Variants in ALKAL1 observed in about 807,000 individuals in gnomAD.
The protein encoded by ALKAL1 is ALK and LTK ligand 1.
ALKAL1 carries 23 observed loss-of-function variants against 13.5 expected under a neutral mutation model. That is an observed-to-expected ratio of 1.70 (90% CI 1.23 to 2.41). The LOEUF (loss-of-function observed/expected upper bound fraction) is 2.41, where lower values mean the gene tolerates loss of function less well. Among genes scored for constraint, ALKAL1 ranks in the 30% most tolerant of loss-of-function variants. ALKAL1 has a pLI of 0.00. For missense variants in ALKAL1, 181 were observed against 178.4 expected, an observed-to-expected ratio of 1.01 and a Z score of -0.08; for synonymous variants, 85 against 77.7, an observed-to-expected ratio of 1.09 and a Z score of -0.49.
chr8:52,547,719 G>A (rs978509395), intron 1 of ALKAL1, among the ~76,000 whole-genome samples: 12 of 152,172 alleles, frequency 7.9e-5, no homozygotes, highest in Admixed American at 1.3e-4. Flanking sequence ...CAGTCACAGC[G>A]GCTCACGCCT....
At position 52,565,337 on chromosome 8, in the gene ALKAL1, G is replaced by T; in HGVS notation, c.-81C>A. 8.9e-7 allele frequency: 1 copy of T among 1,127,996 alleles called. No homozygotes were observed. The highest frequency in any genetic ancestry group is 1.1e-6 in the Non-Finnish European group (1 of 876,822). The allele number at this position is 1,127,996 out of a possible 1,614,324, so 69.9% of individuals were successfully genotyped here. A position where few individuals can be genotyped will look rare whatever the true frequency, so the allele number is the denominator to read the frequency against. ...CGGAGGGTGCGCGGCCCAAGAGAAGGCCAGCGGGACCACAGCGCGGCTACG... is the reference window on the plus strand; with the variant it reads ...CGGAGGGTGCGCGGCCCAAGAGAAGTCCAGCGGGACCACAGCGCGGCTACG... On this transcript the variant is annotated 5_prime_UTR_variant, in exon 1 of 5. Coordinates refer to ENST00000358543, the MANE Select transcript of ALKAL1 (RefSeq NM_207413.4).
At position 52,539,840 on chromosome 8, in the gene ALKAL1, T is replaced by C; in HGVS notation, c.316A>G (p.Thr106Ala). ...RLYYNTRECS[T>A]PAYYKRCARL... Reference sequence around the variant, plus strand: ...CACCCAAGTTACTTACAAGCTGGCGTTGAGCACTCCCTGGTATTGTAATAG... The same window carrying C: ...CACCCAAGTTACTTACAAGCTGGCGCTGAGCACTCCCTGGTATTGTAATAG... Residue 106 changes from threonine to alanine, a missense_variant, in exon 3 of 5, where the codon ACG becomes GCG. Thr to Ala is a moderately conservative substitution (Grantham distance 58, BLOSUM62 0). Transcript: ENST00000358543. 1.9e-6 allele frequency: 3 copies of C among 1,609,720 alleles called. No individual in the cohort carries two copies. The highest frequency in any genetic ancestry group is 2.5e-6 in the Non-Finnish European group (3 of 1,178,132).
chr8:52,563,401 A>T (rs375798906), intron 1 of ALKAL1, among the ~76,000 whole-genome samples: 1 of 152,210 alleles, frequency 6.6e-6, no homozygotes, highest in Non-Finnish European at 1.5e-5. Context: ...ACTGCACTCC[A>T]GCCTGGGAGA....
At chr8:52,541,922 C>T (rs1441199293) in intron 2 of ALKAL1, among the ~76,000 whole-genome samples, 4 of 152,052 alleles carry the variant, frequency 2.6e-5, no homozygotes, top group Non-Finnish European at 5.9e-5. Context: ...TTATCCACAA[C>T]ATGACTCCAA....
At chr8:52,538,575 A>G in intron 3 of ALKAL1, 68 bp from the exon 4 acceptor site, 1 of 963,806 alleles carries the variant, frequency 1.0e-6, no homozygotes, top group Non-Finnish European at 1.6e-6. Context: ...TCCTGTTATT[A>G]TTGTCACTAA....
chr8:52,536,959 G>A (rs1442232255), intron 4 of ALKAL1, among the ~76,000 whole-genome samples: 1 of 152,148 alleles, frequency 6.6e-6, no homozygotes, highest in African/African-American at 2.4e-5. Context: ...AAGTTCATGG[G>A]TATTGCTAAA....
At chr8:52,564,676 C>G (rs1293658578) in intron 1 of ALKAL1, among the ~76,000 whole-genome samples, 1 of 152,146 alleles carries the variant, frequency 6.6e-6, no homozygotes, top group African/African-American at 2.4e-5. Context: ...TGTCTACGGA[C>G]AGCAATCTTA....
chr8:52,542,801 T>C (rs1847327209), intron 1 of ALKAL1, among the ~76,000 whole-genome samples: 1 of 152,246 alleles, frequency 6.6e-6, no homozygotes, highest in African/African-American at 2.4e-5. Context: ...CAAGAAGTTA[T>C]GCTTGACTTC....
intron 1 of ALKAL1, among the ~76,000 whole-genome samples, chr8:52,555,880 C>A (rs946097686): frequency 6.6e-6 from 1 of 152,148 alleles, no homozygotes; most frequent in South Asian, 2.1e-4. Flanking sequence ...TTTAGGGACC[C>A]GTGAAGACAA....
chr8:52,538,388 G>A (rs1187236340), intron 4 of ALKAL1, 43 bp downstream of exon 4: 2 of 1,118,254 alleles, frequency 1.8e-6, no homozygotes, highest in Admixed American at 4.1e-5. Context: ...TAAAAATAAA[G>A]TTAGACTATT....
intron 1 of ALKAL1, among the ~76,000 whole-genome samples, chr8:52,553,355 A>G (rs1172471334): frequency 6.6e-6 from 1 of 152,188 alleles, no homozygotes; most frequent in East Asian, 1.9e-4. Flanking sequence ...CTCTAAAAAA[A>G]AATTGGAAGG....
intron 1 of ALKAL1, among the ~76,000 whole-genome samples, chr8:52,550,850 T>C (rs1847421925): frequency 1.3e-5 from 2 of 152,160 alleles, no homozygotes; most frequent in Non-Finnish European, 2.9e-5. Flanking sequence ...AAAGGGCCAA[T>C]TCTACTCCAC....
chr8:52,545,389 C>T (rs113120307), intron 1 of ALKAL1, among the ~76,000 whole-genome samples: 15 of 152,102 alleles, frequency 9.9e-5, no homozygotes, highest in African/African-American at 3.6e-4. Context: ...TGTAAAAATG[C>T]AGATTCACTG....
At chr8:52,553,356 A>C (rs1052522597) in intron 1 of ALKAL1, among the ~76,000 whole-genome samples, 4 of 152,150 alleles carry the variant, frequency 2.6e-5, no homozygotes, top group Non-Finnish European at 4.4e-5. Flanking sequence ...TCTAAAAAAA[A>C]ATTGGAAGGT....
rs1337631330 is a variant in ALKAL1 at position 52,565,331 on chromosome 8, GAGA to G, written c.-78_-76del. The G allele has an allele frequency of 8.6e-7, 1 of 1,163,278 alleles. No individual in the cohort carries two copies. The highest frequency in any genetic ancestry group is 3.2e-5 in the East Asian group (1 of 31,176). The allele number at this position is 1,163,278 out of a possible 1,614,324, so 72.1% of individuals were successfully genotyped here. On this transcript the variant is annotated 5_prime_UTR_variant, in exon 1 of 5. Transcript: ENST00000358543. ...CAGGTCCGGAGGGTGCGCGGCCCAA[GAGA>G]AGGCCAGCGGGACCACAGCGCGGCT...
At chr8:52,535,544 C>T (rs1248705298) in intron 4 of ALKAL1, among the ~76,000 whole-genome samples, 1 of 106,074 alleles carries the variant, frequency 9.4e-6, no homozygotes, top group Non-Finnish European at 1.8e-5. Flanking sequence ...GAGTAAGACC[C>T]TGTCTCAAAA....
At chr8:52,537,986 C>A (rs1363618798) in intron 4 of ALKAL1, among the ~76,000 whole-genome samples, 1 of 151,538 alleles carries the variant, frequency 6.6e-6, no homozygotes, top group South Asian at 2.1e-4. Context: ...GTCCCAGCTA[C>A]TTGAGAGGCT....
At chr8:52,550,787 GTCTC>G (rs1401294841) in intron 1 of ALKAL1, among the ~76,000 whole-genome samples, 2 of 152,062 alleles carry the variant, frequency 1.3e-5, no homozygotes, top group East Asian at 1.9e-4. Flanking sequence ...GTTCTCCTGT[GTCTC>G]TCTATCTTCC....
At chr8:52,541,585 T>TGGTGAAACCCCATCTCTAC (rs1563320211) in intron 2 of ALKAL1, among the ~76,000 whole-genome samples, 8 of 152,088 alleles carry the variant, frequency 5.3e-5, no homozygotes, top group Middle Eastern at 3.2e-3. Flanking sequence ...CTGGCGAATG[T>TGGTGAAACCCCATCTCTAC]GGTGAAACCC....
Sources: gnomAD v4.1 joint callset for allele counts (sites outside exome capture counted in the v4.1 genomes callset) on GRCh38, gnomAD v4.1.1 for gene constraint, MANE v1.5 for transcripts, NCBI Gene and HGNC (gene_info 2026-07-23, HGNC 2026-07-21) for gene names.